FAM13C: variants seen among roughly 807,000 people sequenced by gnomAD.
The protein encoded by FAM13C is family with sequence similarity 13 member C, also known as protein FAM13C.
A neutral mutation model predicts 73.2 loss-of-function variants in FAM13C; 37 were observed. That is an observed-to-expected ratio of 0.51 (90% CI 0.39 to 0.67). FAM13C has a LOEUF of 0.67. Ranked by LOEUF, FAM13C falls within the 30% of genes least tolerant of loss-of-function variation. FAM13C has a pLI of 0.00. For synonymous variants in FAM13C, 246 were observed against 260.9 expected (o/e 0.94, Z 0.55); for missense variants, 589 against 715.6 (o/e 0.82, Z 2.02).
chr10:59,348,138 G>A (rs1854561037), intron 3 of FAM13C, among the ~76,000 whole-genome samples: 1 of 152,186 alleles, frequency 6.6e-6, no homozygotes, highest in African/African-American at 2.4e-5. Flanking sequence ...CTATGATGGT[G>A]CTTTTCAGTT....
At chr10:59,361,188 A>C in intron 1 of FAM13C, 1 of 975,810 alleles carries the variant, frequency 1.0e-6, no homozygotes, top group Non-Finnish European at 1.4e-6. Context: ...AGTATTTTAC[A>C]TTGCTTCTTC....
In FAM13C at chr10:59,246,716, G is replaced by A. The variant is rs1783452869; in HGVS notation, c.*898C>T. The A allele has an allele frequency of 2.5e-6, 1 of 397,206 alleles. No individual in the cohort carries two copies. Among genetic ancestry groups the A allele is most frequent in the Admixed American group, 4.4e-5 (1 of 22,706 alleles). 24.6% of individuals were successfully genotyped at this position (397,206 alleles called of 1,614,324 possible). ...AAGGATGAATAACTACAGCTCATGG[G>A]AAATGTTTTGACTTTACAAAGTATA... On this transcript the variant is annotated 3_prime_UTR_variant, in exon 14 of 14. Transcript: ENST00000618804.
At chr10:59,320,322 A>T (rs1367960115) in intron 4 of FAM13C, among the ~76,000 whole-genome samples, 1 of 152,178 alleles carries the variant, frequency 6.6e-6, no homozygotes, top group Non-Finnish European at 1.5e-5. Flanking sequence ...AGGACACCAA[A>T]TTTGAGGCCT....
intron 3 of FAM13C, among the ~76,000 whole-genome samples, chr10:59,324,983 G>A (rs61863186): frequency 0.089 from 13,513 of 152,156 alleles, 776 homozygotes; most frequent in Middle Eastern, 0.13. Context: ...ATATCCAACA[G>A]TTCCACTACT....
chr10:59,359,271 C>G (rs900129595), intron 1 of FAM13C, among the ~76,000 whole-genome samples: 2 of 152,200 alleles, frequency 1.3e-5, no homozygotes, highest in African/African-American at 4.8e-5. Context: ...TCTGCTCCAC[C>G]ACATTAAGCC....
chr10:59,324,076 C>G lies in FAM13C; in HGVS notation c.355G>C (p.Glu119Gln), dbSNP rs1307203279. 1 of 1,614,000 alleles carries G rather than the reference C, an allele frequency of 6.2e-7. No homozygotes were observed. Among genetic ancestry groups the G allele is most frequent in the Non-Finnish European group, 8.5e-7 (1 of 1,179,920 alleles). ...GGTGTTCCTGCTCTCACCTGACACT[C>G]TGACTGGCTGGATACCACATGCTCT... ...ETEHVVSSQS[E>Q]CQVRAGTPAH... Residue 119 changes from glutamate to glutamine, a missense_variant, in exon 4 of 14, where the codon GAG becomes CAG. By Grantham distance (29) the Glu-to-Gln change is conservative. Coordinates refer to ENST00000618804, the MANE Select transcript of FAM13C (RefSeq NM_198215.4).
rs184123955 is a variant in FAM13C at position 59,338,312 on chromosome 10, A to C, written c.324+13958T>G. Among the ~76,000 whole-genome samples, 404 of 152,248 alleles carry C rather than the reference A, an allele frequency of 2.7e-3. 1 individual carries two copies. Among genetic ancestry groups the C allele is most frequent in the Middle Eastern group, 6.8e-3 (2 of 294 alleles). ...CAGGACAGATAACATGCCTGTCCCA[A>C]GCCCAAACACCAGGGCTCATCTCTT... On this transcript the variant is annotated intron_variant, in intron 3 of 13. Transcript: ENST00000618804.
chr10:59,283,098 G>A (rs1845120615), intron 6 of FAM13C, among the ~76,000 whole-genome samples: 1 of 152,178 alleles, frequency 6.6e-6, no homozygotes, highest in Non-Finnish European at 1.5e-5. Flanking sequence ...ACTAGATGTT[G>A]TGATGGGTAC....
At chr10:59,261,935 A>G (rs564805513) in intron 10 of FAM13C, among the ~76,000 whole-genome samples, 2 of 152,304 alleles carry the variant, frequency 1.3e-5, no homozygotes, top group South Asian at 2.1e-4. Context: ...AAACTAAGAT[A>G]TCCAAAGCTG....
At chr10:59,311,375 A>G (rs1173548655) in intron 4 of FAM13C, among the ~76,000 whole-genome samples, 3 of 152,246 alleles carry the variant, frequency 2.0e-5, no homozygotes, top group Non-Finnish European at 4.4e-5. Flanking sequence ...GTGAGAGCAG[A>G]GGCCCCAATA....
intron 8 of FAM13C, among the ~76,000 whole-genome samples, chr10:59,264,428 C>A (rs907117408): frequency 6.6e-6 from 1 of 152,128 alleles, no homozygotes; most frequent in Admixed American, 6.6e-5. Flanking sequence ...CTAAATGTGC[C>A]TGGTCACCTA....
At chr10:59,348,727 C>G (rs1311643531) in intron 3 of FAM13C, among the ~76,000 whole-genome samples, 1 of 152,154 alleles carries the variant, frequency 6.6e-6, no homozygotes, top group African/African-American at 2.4e-5. Context: ...CAACCTCTGC[C>G]TCCCGGGTTC....
intron 3 of FAM13C, among the ~76,000 whole-genome samples, chr10:59,337,922 C>T (rs1301284983): frequency 6.6e-6 from 1 of 151,902 alleles, no homozygotes; most frequent in African/African-American, 2.4e-5. Context: ...TCAGGTAATC[C>T]ACCCACCTCA....
In FAM13C at chr10:59,339,839, T is replaced by G. The variant is rs566502751; in HGVS notation, c.324+12431A>C. Among the ~76,000 whole-genome samples the G allele has an allele frequency of 2.0e-5, 3 of 152,278 alleles. No homozygotes were observed. In the South Asian group the frequency reaches 6.2e-4, roughly 32 times the overall value. On this transcript the variant is annotated intron_variant, in intron 3 of 13. Transcript: ENST00000618804. Reference sequence around the variant, plus strand: ...ATATAACAGAGGTCCCAGCATAGCATTAAAAAAGATGACTGATTAAAATCA... The same window carrying G: ...ATATAACAGAGGTCCCAGCATAGCAGTAAAAAAGATGACTGATTAAAATCA...
rs752809470 is a variant in FAM13C, at chr10:59,262,796, C to G, written c.1025-151G>C. 8 of 652,442 alleles carry G rather than the reference C, an allele frequency of 1.2e-5. No homozygotes were observed. In the African/African-American group the frequency reaches 1.5e-4, roughly 12 times the overall value. 40.4% of individuals were successfully genotyped at this position (652,442 alleles called of 1,614,324 possible). A position where few individuals can be genotyped will look rare whatever the true frequency, so the allele number is the denominator to read the frequency against. The stretch of plus-strand genomic sequence containing the variant: ...ACAGGGCAACGGCAACCCTTATAAC[C>G]AGAGCCATTAGCATAAGCTCCCAAT... On this transcript the variant is annotated intron_variant, in intron 9 of 13. Transcript: ENST00000618804.
rs1389902851 is a variant in FAM13C, at chr10:59,246,481, C to T, written c.*1133G>A. The stretch of plus-strand genomic sequence containing the variant: ...GAATTTCTTCAACATCATACTTAAA[C>T]ATTACAGAAAATAGAAATACAAACA... On this transcript the variant is annotated 3_prime_UTR_variant, in exon 14 of 14. Coordinates refer to ENST00000618804, the MANE Select transcript of FAM13C (RefSeq NM_198215.4). 1.0e-5 allele frequency: 4 copies of T among 385,820 alleles called. No individual in the cohort carries two copies. The highest frequency in any genetic ancestry group is 1.8e-5 in the Non-Finnish European group (4 of 217,956). The allele number at this position is 385,820 out of a possible 1,614,324, so 23.9% of individuals were successfully genotyped here. A position where few individuals can be genotyped will look rare whatever the true frequency, so the allele number is the denominator to read the frequency against.
chr10:59,301,045 G>A (rs1256341827), intron 5 of FAM13C: 1 of 152,204 alleles, frequency 6.6e-6, no homozygotes, highest in East Asian at 1.9e-4. Flanking sequence ...AAAGAGTTTG[G>A]TGTTCAATAA....
chr10:59,304,838 GGA>G lies in FAM13C; in HGVS notation c.444-1976_444-1975del, dbSNP rs1288364266. Among the ~76,000 whole-genome samples the G allele has an allele frequency of 2.7e-5, 3 of 110,468 alleles. 1 individual carries two copies. The highest frequency in any genetic ancestry group is 1.0e-4 in the African/African-American group (3 of 30,016). 72.5% of individuals were successfully genotyped at this position (110,468 alleles called of 152,430 possible). On this transcript the variant is annotated intron_variant, in intron 4 of 13. Transcript: ENST00000618804. ...GGAAAGGGGAAGGGGAGGGGGCGGG[GGA>G]GGGGGAGGGGGAGGGGAAGGGAAAG...
intron 3 of FAM13C, among the ~76,000 whole-genome samples, chr10:59,346,361 A>G (rs1170840428): frequency 6.6e-6 from 1 of 152,184 alleles, no homozygotes; most frequent in Non-Finnish European, 1.5e-5. Flanking sequence ...GTGTCTGTAG[A>G]AAGATAAAAA....
Sources: allele counts gnomAD v4.1 joint callset (sites outside exome capture counted in the v4.1 genomes callset), GRCh38; gene constraint gnomAD v4.1.1; transcripts MANE v1.5; gene names NCBI Gene and HGNC (gene_info 2026-07-23, HGNC 2026-07-21).